ANK2: variants seen among roughly 807,000 people sequenced by gnomAD.
The protein encoded by ANK2 is ankyrin 2.
A neutral mutation model predicts 360.5 loss-of-function variants in ANK2; 83 were observed. The observed-to-expected ratio is 0.23, with a 90% CI of 0.19 to 0.28. ANK2 has a LOEUF of 0.28. Among genes scored for constraint, ANK2 ranks in the 10% least tolerant of loss-of-function variants. ANK2 has a pLI of 1.00. For missense variants in ANK2, 4,201 were observed against 4,795.7 expected (o/e 0.88, Z 3.66); for synonymous variants, 1,740 against 1,759.5 (o/e 0.99, Z 0.28).
chr4:113,022,334 T>C (rs901523219), intron 2 of ANK2, among the ~76,000 whole-genome samples: 11 of 152,210 alleles, frequency 7.2e-5, no homozygotes, highest in African/African-American at 4.8e-5. Flanking sequence ...TTCCTAAAAT[T>C]GGGCATTACT....
Position 113,345,888 on chromosome 4 carries a change from T to C in ANK2, c.4249-12T>C, listed in dbSNP as rs549707999. On this transcript the variant is annotated splice_polypyrimidine_tract_variant and intron_variant, in intron 34 of 45. Coordinates refer to ENST00000357077, the MANE Select transcript of ANK2 (RefSeq NM_001148.6). The stretch of plus-strand genomic sequence containing the variant: ...AAATGTGGGTGAAGCATGTATGTCT[T>C]TCTTGTTCAAGGTACGCGATACGAC... The C allele has an allele frequency of 1.9e-6, 3 of 1,613,288 alleles. No individual in the cohort carries two copies. Among genetic ancestry groups the C allele is most frequent in the African/African-American group, 1.3e-5 (1 of 75,012 alleles).
intron 36 of ANK2, among the ~76,000 whole-genome samples, chr4:113,349,042 G>A (rs528752519): frequency 1.3e-5 from 2 of 152,034 alleles, no homozygotes; most frequent in South Asian, 4.1e-4. Context: ...TTATAAAGTG[G>A]GATCTTTACT....
the ANK2 span, among the ~76,000 whole-genome samples, chr4:112,763,753 C>T: frequency 6.6e-6 from 1 of 151,246 alleles, no homozygotes; most frequent in Admixed American, 6.6e-5. Context: ...ATCTCCTGAC[C>T]TCGTGATCCG....
chr4:112,936,347 TC>T (rs1424961275), intron 2 of ANK2, among the ~76,000 whole-genome samples: 2 of 151,330 alleles, frequency 1.3e-5, no homozygotes, highest in Admixed American at 6.6e-5. Flanking sequence ...CTAATCATTA[TC>T]CTTTTTTTTT....
At chr4:112,779,311 G>A in the ANK2 span, among the ~76,000 whole-genome samples, 46,495 of 152,116 alleles carry the variant, frequency 0.31, 7,244 homozygotes, top group East Asian at 0.35. Context: ...AAGGTCAGGA[G>A]ATCGAGACCA....
At chr4:113,323,904 T>A in intron 26 of ANK2, 2 of 923,112 alleles carry the variant, frequency 2.2e-6, no homozygotes, top group Non-Finnish European at 3.2e-6. Flanking sequence ...TGAAGATACC[T>A]AGCCAAAGAG....
intron 37 of ANK2, 148 bp from the exon 38 acceptor site, chr4:113,352,897 G>A: frequency 2.5e-6 from 2 of 791,512 alleles, no homozygotes; most frequent in Non-Finnish European, 4.0e-6. Context: ...CTGAGGCCTT[G>A]TGGATCTACC....
chr4:112,747,856 G>C, the ANK2 span, among the ~76,000 whole-genome samples: 1 of 152,164 alleles, frequency 6.6e-6, no homozygotes, highest in Non-Finnish European at 1.5e-5. Flanking sequence ...AAGGATTTCT[G>C]AATATGTGAT....
At chr4:113,279,757 C>A (rs1345005521) in intron 17 of ANK2, among the ~76,000 whole-genome samples, 1 of 149,970 alleles carries the variant, frequency 6.7e-6, no homozygotes, top group African/African-American at 2.4e-5. Context: ...TATACATCTA[C>A]ATATATTTAT....
At chr4:113,186,780 A>T (rs2098537873) in intron 2 of ANK2, among the ~76,000 whole-genome samples, 1 of 152,198 alleles carries the variant, frequency 6.6e-6, no homozygotes, top group African/African-American at 2.4e-5. Context: ...TTAGAAAAAA[A>T]GGAATTTGTG....
At chr4:113,138,322 T>G (rs1055848145) in intron 1 of ANK2, among the ~76,000 whole-genome samples, 1 of 152,222 alleles carries the variant, frequency 6.6e-6, no homozygotes, top group African/African-American at 2.4e-5. Context: ...ACACTCATCA[T>G]GCTGTTTAAA....
chr4:113,142,673 C>A (rs1314447591), intron 1 of ANK2, among the ~76,000 whole-genome samples: 1 of 151,798 alleles, frequency 6.6e-6, no homozygotes, highest in East Asian at 1.9e-4. Context: ...TTATATTCAC[C>A]AAGCAGAAAG....
At chr4:113,246,622 CAT>C (rs571451079) in intron 9 of ANK2, among the ~76,000 whole-genome samples, 36 of 152,096 alleles carry the variant, frequency 2.4e-4, no homozygotes, top group Middle Eastern at 6.8e-3. Context: ...TATTAAAAAA[CAT>C]ATTTCAAAGC....
In ANK2 at chr4:112,844,207, C is replaced by T. The variant is rs143338251; in HGVS notation, c.-40+25943C>T. Among the ~76,000 whole-genome samples, 8 of 152,286 alleles carry T rather than the reference C, an allele frequency of 5.3e-5. No homozygotes were observed. The East Asian group carries it at 1.5e-3, about 29-fold the overall frequency. On this transcript the variant is annotated intron_variant, in intron 1 of 30. Transcript: ENST00000503271. ...GGTACTTAATAACTTACATGATTCACCTGACAGCTCCCGACAATGGTGTGA... is the reference window on the plus strand; with the variant it reads ...GGTACTTAATAACTTACATGATTCATCTGACAGCTCCCGACAATGGTGTGA...
rs190907467 is a variant in ANK2, at chr4:113,189,582, A to C, written c.187-6786A>C. ...AAAACTCTGTATCATGTTTTATCCG[A>C]GTTTAGTATTTTGTTCAAAAATATT... On this transcript the variant is annotated intron_variant, in intron 2 of 45. Coordinates refer to ENST00000357077, the MANE Select transcript of ANK2 (RefSeq NM_001148.6). Among the ~76,000 whole-genome samples, 5 of 152,258 alleles carry C rather than the reference A, an allele frequency of 3.3e-5. No homozygotes were observed. The East Asian group carries it at 7.7e-4, about 23-fold the overall frequency.
At chr4:112,899,164 G>A (rs1561008446) in intron 1 of ANK2, among the ~76,000 whole-genome samples, 1 of 152,118 alleles carries the variant, frequency 6.6e-6, no homozygotes, top group African/African-American at 2.4e-5. Flanking sequence ...ACAAAGACTT[G>A]AATATCTTTA....
chr4:112,764,401 T>A, the ANK2 span, among the ~76,000 whole-genome samples: 1 of 151,966 alleles, frequency 6.6e-6, no homozygotes, highest in African/African-American at 2.4e-5. Flanking sequence ...AATGGCCCGA[T>A]CTCGGCTCAT....
chr4:113,171,845 A>G (rs781455246), intron 1 of ANK2, among the ~76,000 whole-genome samples: 10 of 152,178 alleles, frequency 6.6e-5, no homozygotes, highest in African/African-American at 1.2e-4. Context: ...AAGATGGTCT[A>G]TTATATACTC....
At chr4:112,816,886 C>T (rs964351708), upstream of ANK2, among the ~76,000 whole-genome samples, 1 of 152,126 alleles carries the variant, frequency 6.6e-6, no homozygotes, top group Non-Finnish European at 1.5e-5. Flanking sequence ...TGGCACATGC[C>T]TGTAATCCCA....
Sources: gnomAD v4.1 joint callset for allele counts (sites outside exome capture counted in the v4.1 genomes callset) on GRCh38, gnomAD v4.1.1 for gene constraint, MANE v1.5 for transcripts, NCBI Gene and HGNC (gene_info 2026-07-23, HGNC 2026-07-21) for gene names.